Variants in C1orf21 observed in about 807,000 individuals in gnomAD.
C1orf21 encodes the protein chromosome 1 open reading frame 21, also known as uncharacterized protein C1orf21.
C1orf21 carries 3 observed loss-of-function variants against 18.7 expected under a neutral mutation model. The observed-to-expected ratio is 0.16, with a 90% CI of 0.07 to 0.42. The LOEUF (loss-of-function observed/expected upper bound fraction) is 0.42. Ranked by LOEUF, C1orf21 falls within the 10% of genes least tolerant of loss-of-function variation. The pLI, the probability that C1orf21 is intolerant of heterozygous loss-of-function variation, is 0.99. For synonymous variants in C1orf21, 41 were observed against 46.4 expected, an observed-to-expected ratio of 0.88 and a Z score of 0.47; for missense variants, 104 against 143.6, an observed-to-expected ratio of 0.72 and a Z score of 1.41.
chr1:184,557,170 G>A (rs1658890570), intron 3 of C1orf21, among the ~76,000 whole-genome samples: 1 of 152,132 alleles, frequency 6.6e-6, no homozygotes, highest in Admixed American at 6.5e-5. Context: ...TGTCAATGTG[G>A]GGGTCATGAA....
At chr1:184,438,106 T>C (rs1453814671) in intron 1 of C1orf21, among the ~76,000 whole-genome samples, 2 of 152,104 alleles carry the variant, frequency 1.3e-5, no homozygotes, top group African/African-American at 4.8e-5. Context: ...CATGGACTGA[T>C]ACCAGGGTCC....
chr1:184,391,224 G>A (rs530649898), intron 1 of C1orf21, among the ~76,000 whole-genome samples: 1 of 152,326 alleles, frequency 6.6e-6, no homozygotes, highest in South Asian at 2.1e-4. Flanking sequence ...GCACACAACA[G>A]TGTCTCCAGT....
intron 5 of C1orf21, among the ~76,000 whole-genome samples, chr1:184,603,710 G>T: frequency 6.6e-6 from 1 of 152,166 alleles, no homozygotes; most frequent in East Asian, 1.9e-4. Context: ...CATGAGAATC[G>T]CTTGGACCTG....
At chr1:184,582,617 G>C (rs750340863) in intron 3 of C1orf21, among the ~76,000 whole-genome samples, 3 of 152,214 alleles carry the variant, frequency 2.0e-5, no homozygotes, top group Non-Finnish European at 4.4e-5. Context: ...AAGAAAATGA[G>C]ATTCCTCTCC....
intron 2 of C1orf21, among the ~76,000 whole-genome samples, chr1:184,500,749 A>G (rs553056586): frequency 6.6e-6 from 1 of 152,320 alleles, no homozygotes; most frequent in South Asian, 2.1e-4. Flanking sequence ...ATCATGATTC[A>G]GTGGCATTCT....
At position 184,625,928 on chromosome 1, in the gene C1orf21, GCCA is replaced by G. The variant is rs1019879659; in HGVS notation, c.*6377_*6379del. On this transcript the variant is annotated 3_prime_UTR_variant, in exon 6 of 6. Transcript: ENST00000235307. ...CGTGTGCCTGGTCCAGCCACATACA[GCCA>G]CCACATGTGTCACACACTGTCCCCC... 1.3e-5 allele frequency: 2 copies of G among 152,150 alleles called. No individual in the cohort carries two copies. The highest frequency in any genetic ancestry group is 2.9e-5 in the Non-Finnish European group (2 of 68,068). 9.4% of individuals were successfully genotyped at this position (152,150 alleles called of 1,614,324 possible). A position where few individuals can be genotyped will look rare whatever the true frequency, so the allele number is the denominator to read the frequency against.
intron 1 of C1orf21, among the ~76,000 whole-genome samples, chr1:184,470,981 A>T (rs1169477957): frequency 6.6e-6 from 1 of 151,996 alleles, no homozygotes; most frequent in East Asian, 1.9e-4. Flanking sequence ...AGTCTTCTGC[A>T]TGGGTCCACA....
chr1:184,594,665 G>A (rs1213037083), intron 4 of C1orf21, among the ~76,000 whole-genome samples: 1 of 152,158 alleles, frequency 6.6e-6, no homozygotes, highest in African/African-American at 2.4e-5. Flanking sequence ...TCACATGGGA[G>A]TTTCATCTCC....
rs1318580399 is a variant in C1orf21, at chr1:184,620,749, A to G, written c.*1193A>G. ...CCCCTGGCAGTGGTGGGGAATGTTG[A>G]CTGAGTGTTCAGCAGAGTTTATTTT... On this transcript the variant is annotated 3_prime_UTR_variant, in exon 6 of 6. Coordinates refer to ENST00000235307, the MANE Select transcript of C1orf21 (RefSeq NM_030806.4). 1 of 152,670 alleles carries G rather than the reference A, an allele frequency of 6.6e-6. No homozygotes were observed. Among genetic ancestry groups the G allele is most frequent in the African/African-American group, 2.4e-5 (1 of 41,470 alleles). 9.5% of individuals were successfully genotyped at this position (152,670 alleles called of 1,614,324 possible).
chr1:184,484,576 C>T (rs567523064), intron 2 of C1orf21, among the ~76,000 whole-genome samples: 2 of 152,316 alleles, frequency 1.3e-5, no homozygotes. Flanking sequence ...GGCCAAGGAG[C>T]TGGAGGCAGA....
chr1:184,419,939 T>A (rs1656519715), intron 1 of C1orf21, among the ~76,000 whole-genome samples: 1 of 152,018 alleles, frequency 6.6e-6, no homozygotes, highest in Non-Finnish European at 1.5e-5. Flanking sequence ...AGGTGAAGGG[T>A]TTCTAACAGG....
chr1:184,495,335 G>C (rs996170396), intron 2 of C1orf21, among the ~76,000 whole-genome samples: 2 of 152,100 alleles, frequency 1.3e-5, no homozygotes, highest in African/African-American at 2.4e-5. Context: ...CTCTTCACTT[G>C]TACCCACCAT....
intron 3 of C1orf21, among the ~76,000 whole-genome samples, chr1:184,550,125 G>A (rs1245158504): frequency 6.6e-6 from 1 of 152,120 alleles, no homozygotes; most frequent in Non-Finnish European, 1.5e-5. Context: ...TAGTTGGTTG[G>A]GGTTGTTATA....
chr1:184,607,803 T>A (rs1292905540), intron 5 of C1orf21, among the ~76,000 whole-genome samples: 1 of 151,558 alleles, frequency 6.6e-6, no homozygotes, highest in African/African-American at 2.4e-5. Flanking sequence ...CAAATACAAT[T>A]ATTAAGTGAA....
intron 1 of C1orf21, among the ~76,000 whole-genome samples, chr1:184,443,679 T>C (rs1312141469): frequency 2.0e-5 from 3 of 152,212 alleles, no homozygotes; most frequent in African/African-American, 7.2e-5. Context: ...AGGATTCACA[T>C]CTATCCTCCC....
In C1orf21 at chr1:184,387,208, GT is replaced by G; in HGVS notation, c.-281del. The G allele has an allele frequency of 6.5e-6, 1 of 152,830 alleles. No individual in the cohort carries two copies. The highest frequency in any genetic ancestry group is 1.5e-5 in the Non-Finnish European group (1 of 68,540). 9.5% of individuals were successfully genotyped at this position (152,830 alleles called of 1,614,324 possible). On this transcript the variant is annotated 5_prime_UTR_variant, in exon 1 of 6. Coordinates refer to ENST00000235307, the MANE Select transcript of C1orf21 (RefSeq NM_030806.4). This position sits in a 1 kb window ranked among gnomAD's most constrained non-coding sequence, Gnocchi z 5.6. ...GCTTGCACGCGGGCCCGGCTTCGGG[GT>G]TTTGGGTTCTTACTCCAAGCGGCGG...
intron 5 of C1orf21, among the ~76,000 whole-genome samples, chr1:184,618,932 A>G (rs146602709): frequency 7.2e-4 from 109 of 152,360 alleles, no homozygotes; most frequent in African/African-American, 2.3e-3. Context: ...ACCATTGTAC[A>G]TAGTCCTTAG....
At position 184,581,601 on chromosome 1, in the gene C1orf21, T is replaced by G. The variant is rs188279442; in HGVS notation, c.190-9138T>G. Among the ~76,000 whole-genome samples the G allele has an allele frequency of 1.5e-3, 231 of 152,284 alleles. 3 individuals are homozygous for G. The highest frequency in any genetic ancestry group is 0.015 in the Admixed American group (231 of 15,304). On this transcript the variant is annotated intron_variant, in intron 3 of 5. Coordinates refer to ENST00000235307, the MANE Select transcript of C1orf21 (RefSeq NM_030806.4). The stretch of plus-strand genomic sequence containing the variant: ...TGAAAAACTTGGAGATATATTATCT[T>G]TTTAAAACAGCCTTAACTTATAATT...
chr1:184,579,326 A>ATAGG (rs970997962), intron 3 of C1orf21, among the ~76,000 whole-genome samples: 32 of 143,498 alleles, frequency 2.2e-4, no homozygotes, highest in African/African-American at 8.0e-4. Context: ...TGCTGGGATT[A>ATAGG]TAGGCATGAA....
Sources: allele counts gnomAD v4.1 joint callset (sites outside exome capture counted in the v4.1 genomes callset), GRCh38; gene constraint gnomAD v4.1.1; non-coding constraint Gnocchi (gnomAD v3.1); transcripts MANE v1.5; gene names NCBI Gene and HGNC (gene_info 2026-07-23, HGNC 2026-07-21).